The following ASRGL1 variants were observed in gnomAD, a reference collection of about 807,000 sequenced individuals.
ASRGL1 encodes the protein isoaspartyl peptidase/L-asparaginase.
In ASRGL1, 16 loss-of-function variants were observed where a neutral mutation model predicts 22.4. That is an observed-to-expected ratio of 0.71 (90% CI 0.48 to 1.08). The LOEUF (loss-of-function observed/expected upper bound fraction) is 1.08, where lower values mean the gene tolerates loss of function less well. Ranked by LOEUF, ASRGL1 falls within the 50% of genes least tolerant of loss-of-function variation. The probability of loss-of-function intolerance (pLI) is 0.00; values close to 1 mark genes in which losing one functional copy is unlikely to be tolerated. For missense variants in ASRGL1, 412 were observed against 410.1 expected (o/e 1.00, Z -0.04); for synonymous variants, 165 against 159.3 (o/e 1.04, Z -0.27).
intron 4 of ASRGL1, chr11:62,372,327 A>AC: frequency 6.3e-7 from 1 of 1,597,798 alleles, no homozygotes; most frequent in Non-Finnish European, 8.6e-7. Flanking sequence ...TGGCAACTAG[A>AC]CAGACGCTGT....
chr11:62,395,966 G>T (rs1416542297), downstream of ASRGL1, among the ~76,000 whole-genome samples: 2 of 151,404 alleles, frequency 1.3e-5, no homozygotes, highest in African/African-American at 4.9e-5. Context: ...TAGAGACAGG[G>T]TTTCATCATG....
the ASRGL1 span, among the ~76,000 whole-genome samples, chr11:62,400,208 A>T: frequency 6.6e-6 from 1 of 152,096 alleles, no homozygotes; most frequent in Non-Finnish European, 1.5e-5. Context: ...TGCACACCCA[A>T]TTCCCTCTCC....
chr11:62,379,550 C>G (rs1180198326), intron 4 of ASRGL1, among the ~76,000 whole-genome samples: 1 of 152,154 alleles, frequency 6.6e-6, no homozygotes, highest in Non-Finnish European at 1.5e-5. Flanking sequence ...TCAACCACAC[C>G]AGTATGAATT....
chr11:62,343,377 CAAA>C (rs35798082), intron 2 of ASRGL1, among the ~76,000 whole-genome samples: 7 of 86,342 alleles, frequency 8.1e-5, no homozygotes, highest in Admixed American at 2.8e-4. Context: ...GACCCTGTCT[CAAA>C]AAAAAAAAAA....
intron 4 of ASRGL1, among the ~76,000 whole-genome samples, chr11:62,368,805 G>C (rs566516973): frequency 6.6e-6 from 1 of 152,160 alleles, no homozygotes; most frequent in Non-Finnish European, 1.5e-5. Context: ...GTGCCTTGAT[G>C]TGCACGTATA....
chr11:62,392,179 G>A lies in ASRGL1; in HGVS notation c.822G>A (p.Trp274Ter). 6.2e-7 allele frequency: 1 copy of A among 1,614,202 alleles called. No homozygotes were observed. Among genetic ancestry groups the A allele is most frequent in the Non-Finnish European group, 8.5e-7 (1 of 1,180,040 alleles). ...GLIVVSKTGD[W>*]VAKWTSTSMP... ...TCGTGGTTAGCAAAACAGGAGACTG[G>A]GTGGCAAAGTGGACCTCCACCTCCA... The change falls in exon 7 of 7, where the codon TGG becomes TGA. Residue 274 changes from tryptophan (W) to a stop codon, truncating the protein, a stop_gained. Coordinates refer to ENST00000415229, the MANE Select transcript of ASRGL1 (RefSeq NM_001083926.2). LOFTEE classifies it low-confidence loss of function (END_TRUNC).
chr11:62,366,463 G>A (rs1255445529), intron 4 of ASRGL1, among the ~76,000 whole-genome samples: 3 of 139,586 alleles, frequency 2.1e-5, no homozygotes, highest in Non-Finnish European at 4.9e-5. Context: ...CCTGCCACCA[G>A]CAGGGACTGG....
downstream of ASRGL1, among the ~76,000 whole-genome samples, chr11:62,395,933 G>A (rs1426268308): frequency 6.6e-6 from 1 of 151,630 alleles, no homozygotes; most frequent in South Asian, 2.1e-4. Flanking sequence ...CACCATGCCT[G>A]CCTAATTTTT....
At chr11:62,338,872 G>C (rs1357109950) in intron 2 of ASRGL1, among the ~76,000 whole-genome samples, 2 of 146,384 alleles carry the variant, frequency 1.4e-5, no homozygotes, top group East Asian at 4.1e-4. Context: ...TTGAACCTGA[G>C]AGGCAGAGGT....
chr11:62,364,731 G>GAT (rs1429027695), intron 4 of ASRGL1, among the ~76,000 whole-genome samples: 2 of 152,260 alleles, frequency 1.3e-5, no homozygotes, highest in East Asian at 3.9e-4. Context: ...GTCACAGAAA[G>GAT]ATACTACATG....
chr11:62,393,261 T>A lies in ASRGL1; in HGVS notation c.*977T>A, dbSNP rs1345869694. 1 of 152,190 alleles carries A rather than the reference T, an allele frequency of 6.6e-6. No individual in the cohort carries two copies. The highest frequency in any genetic ancestry group is 2.4e-5 in the African/African-American group (1 of 41,448). The allele number at this position is 152,190 out of a possible 1,614,324, so 9.4% of individuals were successfully genotyped here. A position where few individuals can be genotyped will look rare whatever the true frequency, so the allele number is the denominator to read the frequency against. On this transcript the variant is annotated 3_prime_UTR_variant, in exon 7 of 7. Transcript: ENST00000415229. ...AGAAAGTCATTTCCTCGGTGGGCAG[T>A]ATTCCTCTTTATCTCTCATTACACT...
At chr11:62,375,764 G>A (rs1300554541) in intron 4 of ASRGL1, among the ~76,000 whole-genome samples, 1 of 151,826 alleles carries the variant, frequency 6.6e-6, no homozygotes, top group East Asian at 2.0e-4. Flanking sequence ...GGTATAATTA[G>A]CTGCAGCTGC....
At chr11:62,339,942 CTCTT>C (rs1945823975) in intron 2 of ASRGL1, among the ~76,000 whole-genome samples, 1 of 152,096 alleles carries the variant, frequency 6.6e-6, no homozygotes, top group Non-Finnish European at 1.5e-5. Flanking sequence ...TTACGCAGCA[CTCTT>C]TAACACTTGT....
chr11:62,373,987 C>T (rs935124949), intron 4 of ASRGL1, among the ~76,000 whole-genome samples: 6 of 152,212 alleles, frequency 3.9e-5, no homozygotes, highest in East Asian at 1.9e-4. Context: ...CACACGCACT[C>T]GCCAATTAGA....
At chr11:62,382,902 A>G (rs150548688) in intron 4 of ASRGL1, 1 of 152,150 alleles carries the variant, frequency 6.6e-6, no homozygotes, top group African/African-American at 2.4e-5. Context: ...CACAGCCTGC[A>G]TAGCCCTAAA....
intron 4 of ASRGL1, among the ~76,000 whole-genome samples, chr11:62,362,675 T>G (rs1282721790): frequency 2.1e-5 from 2 of 95,336 alleles, no homozygotes; most frequent in Non-Finnish European, 3.8e-5. Flanking sequence ...ATATAATATA[T>G]ATTATATAAA....
the ASRGL1 span, among the ~76,000 whole-genome samples, chr11:62,399,874 GC>G: frequency 6.6e-6 from 1 of 152,182 alleles, no homozygotes. Flanking sequence ...TGGCTTTTGA[GC>G]CCATCTCAGC....
Position 62,364,906 on chromosome 11 carries a change from T to TA in ASRGL1, c.491+7767dup, listed in dbSNP as rs540878822. ...CAACATGGCGAAACCCCGTATCTAC[T>TA]AAAAATATAAAAATTAGCTGGGCGT... On this transcript the variant is annotated intron_variant, in intron 4 of 6. Coordinates refer to ENST00000415229, the MANE Select transcript of ASRGL1 (RefSeq NM_001083926.2). Among the ~76,000 whole-genome samples, 71 of 151,540 alleles carry TA rather than the reference T, an allele frequency of 4.7e-4. No individual in the cohort carries two copies. In the South Asian group the frequency reaches 7.1e-3, roughly 15 times the overall value.
chr11:62,400,641 G>A, the ASRGL1 span, among the ~76,000 whole-genome samples: 1 of 152,320 alleles, frequency 6.6e-6, no homozygotes, highest in African/African-American at 2.4e-5. Context: ...TTTCTACTTT[G>A]TGGAGTAGCC....
Sources: gnomAD v4.1 joint callset for allele counts (sites outside exome capture counted in the v4.1 genomes callset) on GRCh38, gnomAD v4.1.1 for gene constraint, MANE v1.5 for transcripts, NCBI Gene and HGNC (gene_info 2026-07-23, HGNC 2026-07-21) for gene names.